Variants in GRIN2A observed in about 807,000 individuals in gnomAD.
GRIN2A encodes the protein glutamate receptor ionotropic, NMDA 2A.
Under a neutral mutation model 113.4 loss-of-function variants are expected in GRIN2A, and 22 were observed. The observed-to-expected ratio is 0.19, with a 90% CI of 0.14 to 0.28. GRIN2A has a LOEUF of 0.28. GRIN2A is among the 10% of genes least tolerant of loss of function. The pLI, the probability that GRIN2A is intolerant of heterozygous loss-of-function variation, is 1.00. For missense variants in GRIN2A, 1,502 were observed against 1,887.0 expected (o/e 0.80, Z 3.78); for synonymous variants, 827 against 738.4 (o/e 1.12, Z -1.94).
chr16:10,058,696 G>C (rs1437735199), intron 2 of GRIN2A, among the ~76,000 whole-genome samples: 1 of 152,152 alleles, frequency 6.6e-6, no homozygotes, highest in Non-Finnish European at 1.5e-5. Context: ...CCCCTTAGGG[G>C]CCCGTTTATG....
At chr16:9,928,126 T>C (rs903227407) in intron 3 of GRIN2A, among the ~76,000 whole-genome samples, 1 of 152,166 alleles carries the variant, frequency 6.6e-6, no homozygotes, top group Non-Finnish European at 1.5e-5. Flanking sequence ...ATCCCTAAGA[T>C]TCATGCCAGG....
intron 2 of GRIN2A, among the ~76,000 whole-genome samples, chr16:10,094,741 T>C (rs1161475715): frequency 2.0e-5 from 3 of 152,102 alleles, no homozygotes; most frequent in Non-Finnish European, 2.9e-5. Flanking sequence ...TGAGCCACTG[T>C]GCCTGGCCCA....
intron 2 of GRIN2A, among the ~76,000 whole-genome samples, chr16:10,059,640 C>G (rs908982714): frequency 2.0e-5 from 3 of 147,920 alleles, no homozygotes; most frequent in South Asian, 4.3e-4. Context: ...TCTTAAACAA[C>G]AGAGGAAGGA....
intron 2 of GRIN2A, among the ~76,000 whole-genome samples, chr16:9,948,798 C>T (rs547678336): frequency 5.9e-5 from 9 of 152,314 alleles, no homozygotes; most frequent in South Asian, 2.1e-4. Flanking sequence ...AAGGAAGCAC[C>T]GGTCAGTCCT....
rs917625245 is a variant in GRIN2A at position 9,959,034 on chromosome 16, C to A, written c.415-20483G>T. 5.3e-5 allele frequency among the ~76,000 whole-genome samples: 8 copies of A among 152,192 alleles called. No individual in the cohort carries two copies. The East Asian group carries it at 7.7e-4, about 15-fold the overall frequency. ...GTTCAGCTTATGCCCCAAATTTTTACAACCATCTCCCTTTTAAGTCACTGA... is the reference window on the plus strand; with the variant it reads ...GTTCAGCTTATGCCCCAAATTTTTAAAACCATCTCCCTTTTAAGTCACTGA... On this transcript the variant is annotated intron_variant, in intron 2 of 12. Transcript: ENST00000330684.
chr16:9,786,856 C>T (rs1902261071), intron 11 of GRIN2A, among the ~76,000 whole-genome samples: 1 of 152,072 alleles, frequency 6.6e-6, no homozygotes, highest in Non-Finnish European at 1.5e-5. Flanking sequence ...TTGTGAGGGG[C>T]AAATGAAATT....
Position 10,006,225 on chromosome 16 carries a change from C to T in GRIN2A, c.415-67674G>A, listed in dbSNP as rs78223231. Among the ~76,000 whole-genome samples, 560 of 152,306 alleles carry T rather than the reference C, an allele frequency of 3.7e-3. 3 individuals are homozygous for T. Among genetic ancestry groups the T allele is most frequent in the African/African-American group, 0.013 (528 of 41,578 alleles). ...CCCTTGGTCAGGACTGCAATGAAATCGTCTCAGGCAAAGGTGCATGCACCC... is the reference window on the plus strand; with the variant it reads ...CCCTTGGTCAGGACTGCAATGAAATTGTCTCAGGCAAAGGTGCATGCACCC... On this transcript the variant is annotated intron_variant, in intron 2 of 12. Coordinates refer to ENST00000330684, the MANE Select transcript of GRIN2A (RefSeq NM_001134407.3).
chr16:9,842,993 AAG>A (rs1215447553), intron 5 of GRIN2A, among the ~76,000 whole-genome samples: 10 of 150,882 alleles, frequency 6.6e-5, no homozygotes, highest in African/African-American at 2.4e-4. Flanking sequence ...GAAAGAAAGA[AAG>A]AGAGAAACAG....
intron 2 of GRIN2A, among the ~76,000 whole-genome samples, chr16:9,950,361 G>A (rs1306396954): frequency 1.3e-5 from 2 of 152,012 alleles, no homozygotes; most frequent in African/African-American, 4.8e-5. Context: ...GATCCCTAGG[G>A]AGCCCTTGGA....
intron 2 of GRIN2A, among the ~76,000 whole-genome samples, chr16:10,034,418 G>A (rs539926079): frequency 1.1e-4 from 16 of 151,696 alleles, no homozygotes; most frequent in East Asian, 5.8e-4. Flanking sequence ...CCTGCTACTC[G>A]GGAGGCTGAG....
At chr16:10,086,106 G>A (rs1420755576) in intron 2 of GRIN2A, among the ~76,000 whole-genome samples, 1 of 152,174 alleles carries the variant, frequency 6.6e-6, no homozygotes, top group East Asian at 1.9e-4. Flanking sequence ...GAAAGTGTTT[G>A]TTGAATTGGA....
At chr16:9,768,692 A>G (rs897732945) in intron 12 of GRIN2A, among the ~76,000 whole-genome samples, 159 bp downstream of exon 12, 2 of 152,166 alleles carry the variant, frequency 1.3e-5, no homozygotes, top group African/African-American at 4.8e-5. Flanking sequence ...TAAGTTTGCA[A>G]CACCTGGCTT....
At chr16:9,767,748 G>A (rs1428781475) in intron 12 of GRIN2A, among the ~76,000 whole-genome samples, 1 of 152,204 alleles carries the variant, frequency 6.6e-6, no homozygotes, top group Non-Finnish European at 1.5e-5. Context: ...TGTTTATGTT[G>A]AGTTGAAGGT....
chr16:10,179,854 C>T, intron 2 of GRIN2A, 144 bp downstream of exon 2: 1 of 737,262 alleles, frequency 1.4e-6, no homozygotes, highest in South Asian at 1.5e-5. Flanking sequence ...ACCTGGTTCT[C>T]ACCAGGGCCA....
At chr16:10,177,285 A>G (rs1214904488) in intron 2 of GRIN2A, among the ~76,000 whole-genome samples, 1 of 152,192 alleles carries the variant, frequency 6.6e-6, no homozygotes, top group Non-Finnish European at 1.5e-5. Context: ...CTTTTAAACC[A>G]ACTTCTCTTG....
At position 9,759,864 on chromosome 16, in the gene GRIN2A, C is replaced by T. The variant is rs535505600; in HGVS notation, c.*3285G>A. On this transcript the variant is annotated 3_prime_UTR_variant, in exon 13 of 13. Transcript: ENST00000330684. Reference sequence around the variant, plus strand: ...CTGCAGATGTAAGGATGATGAAACCCATTTTCCAGAAGCACAAAGGTTTCT... The same window carrying T: ...CTGCAGATGTAAGGATGATGAAACCTATTTTCCAGAAGCACAAAGGTTTCT... 3.5e-5 allele frequency: 8 copies of T among 230,048 alleles called. No homozygotes were observed. Among genetic ancestry groups the T allele is most frequent in the African/African-American group, 1.8e-4 (8 of 45,284 alleles). The allele number at this position is 230,048 out of a possible 1,614,324, so 14.3% of individuals were successfully genotyped here. A position where few individuals can be genotyped will look rare whatever the true frequency, so the allele number is the denominator to read the frequency against.
intron 2 of GRIN2A, among the ~76,000 whole-genome samples, chr16:9,995,323 G>C (rs1456758798): frequency 6.6e-6 from 1 of 152,200 alleles, no homozygotes; most frequent in Non-Finnish European, 1.5e-5. Context: ...GAATCTGGGG[G>C]ACAAACAAAA....
chr16:9,876,460 G>A (rs948899733), intron 4 of GRIN2A, among the ~76,000 whole-genome samples: 8 of 152,006 alleles, frequency 5.3e-5, no homozygotes, highest in South Asian at 4.2e-4. Flanking sequence ...GTGGGCTTCC[G>A]GAGCTCAGGG....
chr16:9,775,013 C>G (rs181315067), intron 11 of GRIN2A, among the ~76,000 whole-genome samples: 1 of 152,280 alleles, frequency 6.6e-6, no homozygotes, highest in East Asian at 1.9e-4. Context: ...ATTCTCAGCA[C>G]TTCCAGAGGA....
Sources: allele counts gnomAD v4.1 joint callset (sites outside exome capture counted in the v4.1 genomes callset), GRCh38; gene constraint gnomAD v4.1.1; transcripts MANE v1.5; gene names NCBI Gene and HGNC (gene_info 2026-07-23, HGNC 2026-07-21).